ASB13: variants seen among roughly 807,000 people sequenced by gnomAD.
The protein encoded by ASB13 is ankyrin repeat and SOCS box protein 13.
In ASB13, 33 loss-of-function variants were observed where a neutral mutation model predicts 28.8. That is an observed-to-expected ratio of 1.15 (90% CI 0.87 to 1.53). ASB13 has a LOEUF of 1.53. ASB13 is among the 40% of genes most tolerant of loss of function. ASB13 has a pLI of 0.00. For missense variants in ASB13, 414 were observed against 390.1 expected (o/e 1.06, Z -0.52); for synonymous variants, 182 against 172.9 (o/e 1.05, Z -0.41).
chr10:5,643,453 A>G (rs533527757), intron 4 of ASB13, among the ~76,000 whole-genome samples: 1 of 152,270 alleles, frequency 6.6e-6, no homozygotes. Context: ...ACATAATTTA[A>G]GAAAGTTCTT....
chr10:5,660,052 C>T lies in ASB13; in HGVS notation c.43+6457G>A, dbSNP rs529064281. On this transcript the variant is annotated intron_variant, in intron 1 of 5. Transcript: ENST00000357700. The surrounding 1 kb of genome is among the most constrained non-coding windows in gnomAD (Gnocchi z 6.1). The stretch of plus-strand genomic sequence containing the variant: ...ACCCAGTCCTGATGGCTGGATTCTA[C>T]CCACTTCCTCCTCTGCTTCAGGTCA... Among the ~76,000 whole-genome samples the T allele has an allele frequency of 6.6e-6, 1 of 152,306 alleles. No individual in the cohort carries two copies. The highest frequency in any genetic ancestry group is 2.1e-4 in the South Asian group (1 of 4,824).
chr10:5,656,861 C>T lies in ASB13; in HGVS notation c.44-3811G>A, dbSNP rs1390160126. ...CTCTTGATCCCAACAGCCTCTTTTT[C>T]CCACTGCCCTTAACATAATTAAGAA... is the stretch of plus-strand genomic sequence containing the variant. On this transcript the variant is annotated intron_variant, in intron 1 of 5. Transcript: ENST00000357700. This position sits in a 1 kb window ranked among gnomAD's most constrained non-coding sequence, Gnocchi z 4.3. Among the ~76,000 whole-genome samples the T allele has an allele frequency of 2.0e-5, 3 of 152,148 alleles. No individual in the cohort carries two copies. The highest frequency in any genetic ancestry group is 4.4e-5 in the Non-Finnish European group (3 of 68,034).
At chr10:5,654,969 G>A (rs970948920) in intron 1 of ASB13, among the ~76,000 whole-genome samples, 1 of 152,108 alleles carries the variant, frequency 6.6e-6, no homozygotes, top group Non-Finnish European at 1.5e-5. Flanking sequence ...GGGCGTGGTG[G>A]TGCATGCCTG....
Position 5,641,882 on chromosome 10 carries a change from C to G in ASB13, c.597G>C (p.Glu199Asp), listed in dbSNP as rs767399834. The G allele has an allele frequency of 1.9e-6, 3 of 1,614,158 alleles. No individual in the cohort carries two copies. The South Asian group carries it at 3.3e-5, about 18-fold the overall frequency. ...TGTTGCCGCCAAACTCGATAAGCAT[C>G]TCGATGAGGTCAACATTCTTGACCT... ...AAKVKNVDLIEMLIEFGGNIY... is the reference protein window; with the variant it reads ...AAKVKNVDLIDMLIEFGGNIY... The change falls in exon 5 of 6, where the codon GAG becomes GAC. Residue 199 changes from glutamate to aspartate, a missense_variant. Physicochemically the swap from Glu to Asp is conservative, Grantham distance 45. Transcript: ENST00000357700. This position sits in a 1 kb window ranked among gnomAD's most constrained non-coding sequence, Gnocchi z 8.4.
intron 1 of ASB13, among the ~76,000 whole-genome samples, chr10:5,653,715 T>C (rs1334475762): frequency 1.3e-5 from 2 of 152,116 alleles, no homozygotes; most frequent in Non-Finnish European, 2.9e-5. Context: ...GGAGTCTCGC[T>C]CTGTCACCCA....
At position 5,640,611 on chromosome 10, in the gene ASB13, C is replaced by T. The variant is rs1834793124; in HGVS notation, c.*92G>A. The T allele has an allele frequency of 2.0e-6, 3 of 1,514,298 alleles. No individual in the cohort carries two copies. Among genetic ancestry groups the T allele is most frequent in the Non-Finnish European group, 2.7e-6 (3 of 1,098,414 alleles). 93.8% of individuals were successfully genotyped at this position (1,514,298 alleles called of 1,614,324 possible). A position where few individuals can be genotyped will look rare whatever the true frequency, so the allele number is the denominator to read the frequency against. On this transcript the variant is annotated 3_prime_UTR_variant, in exon 6 of 6. Transcript: ENST00000357700. The stretch of plus-strand genomic sequence containing the variant: ...CGAAGGAGCGTTGTTCTATCTACAG[C>T]AATCACGCTGCTTCAGAGGAACAGG...
rs1834851259 is a variant in ASB13 at position 5,644,362 on chromosome 10, G to A, written c.518-2401C>T. Among the ~76,000 whole-genome samples, 2 of 152,124 alleles carry A rather than the reference G, an allele frequency of 1.3e-5. No homozygotes were observed. The highest frequency in any genetic ancestry group is 1.3e-4 in the Admixed American group (2 of 15,266). On this transcript the variant is annotated intron_variant, in intron 4 of 5. Coordinates refer to ENST00000357700, the MANE Select transcript of ASB13 (RefSeq NM_024701.4). This position sits in a 1 kb window ranked among gnomAD's most constrained non-coding sequence, Gnocchi z 5.1. ...TTAAAAATTACCCGGGGGGCGTGAT[G>A]GCACACATCTGTGGTCCCACCTACT...
At position 5,649,871 on chromosome 10, in the gene ASB13, C is replaced by A. The variant is rs1315337915; in HGVS notation, c.383-767G>T. On this transcript the variant is annotated intron_variant, in intron 3 of 5. Transcript: ENST00000357700. The surrounding 1 kb of genome is among the most constrained non-coding windows in gnomAD (Gnocchi z 6.4). ...GGCTCCTCTTCCTGGGTCTGTAATG[C>A]GGATTTGGAGCGGGGTTCCAGGCCC... Among the ~76,000 whole-genome samples the A allele has an allele frequency of 1.3e-5, 2 of 152,148 alleles. No homozygotes were observed. The highest frequency in any genetic ancestry group is 1.9e-4 in the East Asian group (1 of 5,194).
In ASB13 at chr10:5,652,353, C is replaced by T. The variant is rs959771967; in HGVS notation, c.231+510G>A. On this transcript the variant is annotated intron_variant, in intron 2 of 5. Transcript: ENST00000357700. This position sits in a 1 kb window ranked among gnomAD's most constrained non-coding sequence, Gnocchi z 5.0. ...TGTGCAGGGCCAGTGTTTGCCAGCTCGGGAGAGCTGGCTGCCAATGTGCCA... is the reference window on the plus strand; with the variant it reads ...TGTGCAGGGCCAGTGTTTGCCAGCTTGGGAGAGCTGGCTGCCAATGTGCCA... 3.3e-5 allele frequency among the ~76,000 whole-genome samples: 5 copies of T among 152,294 alleles called. No individual in the cohort carries two copies. The highest frequency in any genetic ancestry group is 1.9e-4 in the East Asian group (1 of 5,188).
rs780939152 is a variant in ASB13 at position 5,641,755 on chromosome 10, G to A, written c.709+15C>T. On this transcript the variant is annotated intron_variant, in intron 5 of 5. Transcript: ENST00000357700. This position sits in a 1 kb window ranked among gnomAD's most constrained non-coding sequence, Gnocchi z 8.4. ...AGGCTGGAGGGGATGGGGTGCGCTC[G>A]GTGGGGTGTCTCACTTTCGTAGTAC... The A allele has an allele frequency of 3.8e-6, 6 of 1,560,314 alleles. No individual in the cohort carries two copies. In the Admixed American group the frequency reaches 5.7e-5, roughly 15 times the overall value.
intron 1 of ASB13, among the ~76,000 whole-genome samples, chr10:5,662,603 G>GAAGAGAAGAC (rs747055372): frequency 7.6e-6 from 1 of 132,366 alleles, no homozygotes; most frequent in African/African-American, 2.5e-5. Flanking sequence ...GAAGAGAAGA[G>GAAGAGAAGAC]AAGAGAAGAG....
rs1281722794 is a variant in ASB13, at chr10:5,659,320, C to T, written c.44-6270G>A. The stretch of plus-strand genomic sequence containing the variant: ...CACTGCTGCCACATAATAGGTTGCC[C>T]CCTCCCTAATGCAGATGATTGACAA... On this transcript the variant is annotated intron_variant, in intron 1 of 5. Transcript: ENST00000357700. The surrounding 1 kb of genome is among the most constrained non-coding windows in gnomAD (Gnocchi z 5.8). Among the ~76,000 whole-genome samples the T allele has an allele frequency of 1.3e-5, 2 of 152,150 alleles. No homozygotes were observed. The highest frequency in any genetic ancestry group is 4.8e-5 in the African/African-American group (2 of 41,432).
At chr10:5,665,560 T>C (rs965979583) in intron 1 of ASB13, among the ~76,000 whole-genome samples, 14 of 152,250 alleles carry the variant, frequency 9.2e-5, no homozygotes, top group Non-Finnish European at 1.9e-4. Context: ...TCAATTAAGC[T>C]AATCAAATGC....
chr10:5,645,872 G>A lies in ASB13; in HGVS notation c.517+3098C>T, dbSNP rs111953113. Among the ~76,000 whole-genome samples, 683 of 152,296 alleles carry A rather than the reference G, an allele frequency of 4.5e-3. 7 individuals carry two copies. The highest frequency in any genetic ancestry group is 0.015 in the African/African-American group (642 of 41,550). On this transcript the variant is annotated intron_variant, in intron 4 of 5. Transcript: ENST00000357700. The surrounding 1 kb of genome is among the most constrained non-coding windows in gnomAD (Gnocchi z 5.4). ...TTTTTAAAAATCTGTTTGTGAGGAC[G>A]TAGGGGATGCTGTTGTTTCTCTCTC...
At chr10:5,643,768 A>T (rs1015164604) in intron 4 of ASB13, among the ~76,000 whole-genome samples, 15 of 152,248 alleles carry the variant, frequency 9.9e-5, no homozygotes, top group African/African-American at 3.6e-4. Context: ...CTCTCATGTC[A>T]TTAATTCTGG....
Position 5,659,781 on chromosome 10 carries a change from C to T in ASB13, c.43+6728G>A, listed in dbSNP as rs141229980. ...GAATAGTACCACAGCTAGCCAGCCT[C>T]CCCACACAGGCTGCTCGTGCAGGTA... On this transcript the variant is annotated intron_variant, in intron 1 of 5. Transcript: ENST00000357700. The surrounding 1 kb of genome is among the most constrained non-coding windows in gnomAD (Gnocchi z 5.8). Among the ~76,000 whole-genome samples, 12 of 152,210 alleles carry T rather than the reference C, an allele frequency of 7.9e-5. No individual in the cohort carries two copies. The East Asian group carries it at 2.1e-3, about 27-fold the overall frequency.
rs1248086805 is a variant in ASB13, at chr10:5,642,515, T to C, written c.518-554A>G. The stretch of plus-strand genomic sequence containing the variant: ...TCAGAGAAGAGAGTAAGCTCTGCAC[T>C]CCTCAACTTTCTCACGATAAGAGCA... On this transcript the variant is annotated intron_variant, in intron 4 of 5. Transcript: ENST00000357700. The surrounding 1 kb of genome is among the most constrained non-coding windows in gnomAD (Gnocchi z 4.1). The C allele has an allele frequency of 1.6e-6, 2 of 1,244,626 alleles. No homozygotes were observed. The highest frequency in any genetic ancestry group is 2.0e-6 in the Non-Finnish European group (2 of 975,876). The allele number at this position is 1,244,626 out of a possible 1,614,324, so 77.1% of individuals were successfully genotyped here.
Position 5,640,845 on chromosome 10 carries a change from A to C in ASB13, c.710-15T>G, listed in dbSNP as rs571481043. 2 of 1,613,448 alleles carry C rather than the reference A, an allele frequency of 1.2e-6. No homozygotes were observed. The highest frequency in any genetic ancestry group is 2.7e-5 in the African/African-American group (2 of 75,030). ...CAGAGGTGTCTCTGAAAAAGGGAGC[A>C]AGGAAGGATGTGAGGTTAATTTCAG... is the stretch of plus-strand genomic sequence containing the variant. On this transcript the variant is annotated splice_polypyrimidine_tract_variant and intron_variant, in intron 5 of 5. Transcript: ENST00000357700.
rs1440154982 is a variant in ASB13 at position 5,640,064 on chromosome 10, T to TC, written c.*638dup. On this transcript the variant is annotated 3_prime_UTR_variant, in exon 6 of 6. Coordinates refer to ENST00000357700, the MANE Select transcript of ASB13 (RefSeq NM_024701.4). ...TGTGGGGAATACAAAGCCAGGGCCT[T>TC]CCCCCACAAAGACCCATAGAAAGTC... is the stretch of plus-strand genomic sequence containing the variant. The TC allele has an allele frequency of 6.6e-6, 1 of 152,622 alleles. No homozygotes were observed. Among genetic ancestry groups the TC allele is most frequent in the African/African-American group, 2.4e-5 (1 of 41,434 alleles). 9.5% of individuals were successfully genotyped at this position (152,622 alleles called of 1,614,324 possible). A position where few individuals can be genotyped will look rare whatever the true frequency, so the allele number is the denominator to read the frequency against.
Sources: gnomAD v4.1 joint callset for allele counts (sites outside exome capture counted in the v4.1 genomes callset) on GRCh38, gnomAD v4.1.1 for gene constraint, Gnocchi (gnomAD v3.1) non-coding constraint, MANE v1.5 for transcripts, NCBI Gene and HGNC (gene_info 2026-07-23, HGNC 2026-07-21) for gene names.